Variants in AHCY observed in about 807,000 individuals in gnomAD.
AHCY encodes the protein S-adenosyl-L-homocysteine hydrolase.
Under a neutral mutation model 45.4 loss-of-function variants are expected in AHCY, and 24 were observed. The observed-to-expected ratio is 0.53, with a 90% CI of 0.38 to 0.74. AHCY has a LOEUF of 0.74. Ranked by LOEUF, AHCY falls within the 30% of genes least tolerant of loss-of-function variation. The probability of loss-of-function intolerance (pLI) is 0.00; values close to 1 mark genes in which losing one functional copy is unlikely to be tolerated. For missense variants in AHCY, 449 were observed against 594.1 expected, an observed-to-expected ratio of 0.76 and a Z score of 2.54; for synonymous variants, 245 against 235.1, an observed-to-expected ratio of 1.04 and a Z score of -0.39.
chr20:34,235,966 AGGGAGGGAGG>A, the AHCY span, among the ~76,000 whole-genome samples: 2 of 86,628 alleles, frequency 2.3e-5, no homozygotes. Context: ...GGAAGGAAGG[AGGGAGGGAGG>A]GAAGAAGGAA....
At chr20:34,243,408 G>GA in the AHCY span, among the ~76,000 whole-genome samples, 2 of 152,182 alleles carry the variant, frequency 1.3e-5, no homozygotes, top group African/African-American at 4.8e-5. Context: ...GTACGTGTAT[G>GA]TAGATACAGC....
chr20:34,269,400 C>A, the AHCY span: 2 of 521,460 alleles, frequency 3.8e-6, no homozygotes, highest in South Asian at 3.3e-5. Flanking sequence ...CCCTTCGCCA[C>A]GGAGTCCCGC....
the AHCY span, chr20:34,269,260 T>G: frequency 7.2e-7 from 1 of 1,397,620 alleles, no homozygotes; most frequent in Non-Finnish European, 9.3e-7. Flanking sequence ...TTCCCAGGGC[T>G]GCAGGCGGGC....
chr20:34,275,514 G>A (rs1210147147), downstream of AHCY, among the ~76,000 whole-genome samples: 1 of 152,102 alleles, frequency 6.6e-6, no homozygotes, highest in African/African-American at 2.4e-5. Flanking sequence ...AGAATTGTCA[G>A]ACAGCAACCT....
the AHCY span, among the ~76,000 whole-genome samples, chr20:34,275,131 C>CTTT: frequency 1.0e-5 from 1 of 99,446 alleles, no homozygotes; most frequent in African/African-American, 3.1e-5. Context: ...TCTCTATTTT[C>CTTT]TTTTTTTTTT....
the AHCY span, among the ~76,000 whole-genome samples, chr20:34,272,305 C>T: frequency 2.6e-5 from 4 of 152,214 alleles, no homozygotes; most frequent in African/African-American, 9.6e-5. Context: ...GTCATCAACA[C>T]ACAACAGACT....
intron 3 of AHCY, chr20:34,293,826 T>C: frequency 1.8e-6 from 1 of 555,672 alleles, no homozygotes; most frequent in East Asian, 3.2e-5. Flanking sequence ...CGCTTCATCA[T>C]GTAGTTCCCA....
the AHCY span, among the ~76,000 whole-genome samples, chr20:34,259,764 C>A: frequency 6.6e-6 from 1 of 151,660 alleles, no homozygotes; most frequent in Non-Finnish European, 1.5e-5. Flanking sequence ...AAAAAAAAAT[C>A]CAGCTAGCAA....
chr20:34,251,118 A>G, the AHCY span, among the ~76,000 whole-genome samples: 1 of 152,188 alleles, frequency 6.6e-6, no homozygotes, highest in African/African-American at 2.4e-5. Flanking sequence ...ACTCACTGCT[A>G]TTAATACAAT....
chr20:34,292,529 A>G, intron 3 of AHCY, 22 bp from the exon 4 acceptor site: 1 of 1,613,574 alleles, frequency 6.2e-7, no homozygotes, highest in Non-Finnish European at 8.5e-7. Context: ...GTGGCACATC[A>G]GGGCCTGGAC....
intron 1 of AHCY, among the ~76,000 whole-genome samples, chr20:34,297,124 T>C (rs2036599476): frequency 6.6e-6 from 1 of 152,054 alleles, no homozygotes; most frequent in South Asian, 2.1e-4. Flanking sequence ...AGAACCTCTA[T>C]TCAATTCATC....
the AHCY span, among the ~76,000 whole-genome samples, chr20:34,272,965 G>A: frequency 4.6e-3 from 699 of 152,342 alleles, 4 homozygotes; most frequent in Non-Finnish European, 5.5e-3. Flanking sequence ...GTGAGGTATG[G>A]GAAGGGGTGC....
the AHCY span, among the ~76,000 whole-genome samples, chr20:34,258,892 T>C: frequency 5.3e-5 from 7 of 132,948 alleles, no homozygotes; most frequent in African/African-American, 1.6e-4. Flanking sequence ...TAGTATTATA[T>C]ATATAGTGTA....
At chr20:34,265,684 T>C in the AHCY span, among the ~76,000 whole-genome samples, 1 of 152,162 alleles carries the variant, frequency 6.6e-6, no homozygotes, top group Non-Finnish European at 1.5e-5. Flanking sequence ...GCACAGTGGC[T>C]CACACCTGTA....
intron 1 of AHCY, among the ~76,000 whole-genome samples, chr20:34,298,617 G>GGGGGC (rs2036663371): frequency 6.8e-6 from 1 of 146,028 alleles, no homozygotes; most frequent in East Asian, 2.2e-4. Flanking sequence ...GGAGGGGGGG[G>GGGGGC]GGTGTCTCCC....
At chr20:34,299,075 G>A (rs1044959745) in intron 1 of AHCY, among the ~76,000 whole-genome samples, 11 of 152,098 alleles carry the variant, frequency 7.2e-5, no homozygotes, top group African/African-American at 2.4e-4. Flanking sequence ...CGCATTGATG[G>A]TAGTGGTCCC....
the AHCY span, among the ~76,000 whole-genome samples, chr20:34,247,288 C>T: frequency 6.8e-6 from 1 of 146,136 alleles, no homozygotes; most frequent in African/African-American, 2.5e-5. Flanking sequence ...ATGATTATTA[C>T]ATTATATGAT....
At chr20:34,303,530 G>A (rs2036853900), upstream of AHCY, among the ~76,000 whole-genome samples, 1 of 152,236 alleles carries the variant, frequency 6.6e-6, no homozygotes, top group African/African-American at 2.4e-5. Context: ...GTCCGGAAGG[G>A]AGCGCCGGGA....
At position 34,303,221 on chromosome 20, in the gene AHCY, G is replaced by C. The variant is rs200045263; in HGVS notation, c.28+22C>G. On this transcript the variant is annotated intron_variant, in intron 1 of 9. Coordinates refer to ENST00000217426, the MANE Select transcript of AHCY (RefSeq NM_000687.4). ...GGGCGGGTGCCGGGCGGCCGCAACCGGCTGCAGGTCCTGGGACTCACCGAC... is the reference window on the plus strand; with the variant it reads ...GGGCGGGTGCCGGGCGGCCGCAACCCGCTGCAGGTCCTGGGACTCACCGAC... 8.7e-5 allele frequency: 135 copies of C among 1,551,276 alleles called. 2 individuals are homozygous for C. The East Asian group carries it at 2.5e-3, about 29-fold the overall frequency.
Sources: allele counts gnomAD v4.1 joint callset (sites outside exome capture counted in the v4.1 genomes callset), GRCh38; gene constraint gnomAD v4.1.1; transcripts MANE v1.5; gene names NCBI Gene and HGNC (gene_info 2026-07-23, HGNC 2026-07-21).